Variants in NCOA3 observed in about 807,000 individuals in gnomAD.
NCOA3 encodes the protein nuclear receptor coactivator 3.
In NCOA3, 51 loss-of-function variants were observed where a neutral mutation model predicts 158.8. The ratio of observed to expected loss-of-function variants is 0.32; its 90% CI spans 0.26 to 0.41. The LOEUF (loss-of-function observed/expected upper bound fraction) is 0.41. Among genes scored for constraint, NCOA3 ranks in the 10% least tolerant of loss-of-function variants. The pLI is 1.00. For synonymous variants in NCOA3, 537 were observed against 592.4 expected, an observed-to-expected ratio of 0.91 and a Z score of 1.36; for missense variants, 1,510 against 1,746.6, an observed-to-expected ratio of 0.86 and a Z score of 2.41.
chr20:47,519,536 C>G (rs1374398393), intron 1 of NCOA3, among the ~76,000 whole-genome samples: 1 of 152,030 alleles, frequency 6.6e-6, no homozygotes, highest in Non-Finnish European at 1.5e-5. Flanking sequence ...AGTGGAGAAA[C>G]AAGGGAGAAG....
At chr20:47,589,964 GT>G (rs1410546609) in intron 2 of NCOA3, among the ~76,000 whole-genome samples, 1 of 136,084 alleles carries the variant, frequency 7.3e-6, no homozygotes, top group African/African-American at 2.5e-5. Context: ...TTTATAAGAT[GT>G]TTATTTAAAA....
intron 17 of NCOA3, among the ~76,000 whole-genome samples, chr20:47,646,258 G>A (rs1168464657): frequency 2.0e-5 from 3 of 152,204 alleles, no homozygotes; most frequent in African/African-American, 7.2e-5. Flanking sequence ...ATTATTATAA[G>A]AAGAATGATG....
intron 2 of NCOA3, among the ~76,000 whole-genome samples, chr20:47,592,403 C>T (rs6018569): frequency 0.14 from 20,681 of 152,136 alleles, 2,033 homozygotes; most frequent in African/African-American, 0.26. Context: ...CAGTCTTCTT[C>T]CTTTCTCTTC....
intron 2 of NCOA3, among the ~76,000 whole-genome samples, chr20:47,611,121 C>A (rs6066409): frequency 1.3e-5 from 2 of 151,948 alleles, no homozygotes; most frequent in African/African-American, 4.8e-5. Context: ...ATTTACTTCT[C>A]AATACTGTCT....
chr20:47,597,954 A>G (rs186469098), intron 2 of NCOA3, among the ~76,000 whole-genome samples: 1 of 151,582 alleles, frequency 6.6e-6, no homozygotes, highest in Admixed American at 6.6e-5. Flanking sequence ...TTTTTAAAGA[A>G]CCAGGCTTCT....
chr20:47,644,135 A>T (rs537007928), intron 17 of NCOA3, among the ~76,000 whole-genome samples: 19 of 150,002 alleles, frequency 1.3e-4, no homozygotes, highest in Non-Finnish European at 2.1e-4. Flanking sequence ...TGGGCATTAA[A>T]TTCGTTCTAT....
At position 47,651,092 on chromosome 20, in the gene NCOA3, ACAGCAGCAGCAGCAGCAG is replaced by A. The variant is rs3830809; in HGVS notation, c.3774_3791del (p.Gln1271_Gln1276del). ...TGATGCAGCAGCAGCAGCAGCAGCA[ACAGCAGCAGCAGCAGCAG>A]CAGCAGCAGCAACAGCAACAGCAAC... On this transcript the variant is annotated inframe_deletion, in exon 20 of 23. Coordinates refer to ENST00000371998, the MANE Select transcript of NCOA3 (RefSeq NM_181659.3). The A allele has an allele frequency of 1.4e-6, 2 of 1,461,310 alleles. No individual in the cohort carries two copies. The highest frequency in any genetic ancestry group is 3.6e-5 in the Admixed American group (2 of 55,928). The allele number at this position is 1,461,310 out of a possible 1,614,324, so 90.5% of individuals were successfully genotyped here.
chr20:47,622,968 G>C (rs902733161), intron 3 of NCOA3: 1 of 152,236 alleles, frequency 6.6e-6, no homozygotes, highest in Non-Finnish European at 1.5e-5. Flanking sequence ...AGTTGCTTCA[G>C]ACCATCTGGA....
At chr20:47,558,806 C>T (rs1273110300) in intron 1 of NCOA3, among the ~76,000 whole-genome samples, 7 of 147,350 alleles carry the variant, frequency 4.8e-5, no homozygotes, top group Non-Finnish European at 1.0e-4. Flanking sequence ...ACCCTTCACT[C>T]CCTACTTTTT....
At chr20:47,519,748 C>A (rs2084295481) in intron 1 of NCOA3, among the ~76,000 whole-genome samples, 1 of 152,016 alleles carries the variant, frequency 6.6e-6, no homozygotes, top group Non-Finnish European at 1.5e-5. Flanking sequence ...GGCAATGTGG[C>A]AAAACTCTTG....
At chr20:47,610,530 T>C (rs947053669) in intron 2 of NCOA3, among the ~76,000 whole-genome samples, 6 of 152,308 alleles carry the variant, frequency 3.9e-5, no homozygotes, top group Admixed American at 1.3e-4. Flanking sequence ...CGGAAACATT[T>C]TTAAAAAAGG....
chr20:47,542,009 GTTTTT>G (rs755173294), intron 1 of NCOA3, among the ~76,000 whole-genome samples: 5 of 56,318 alleles, frequency 8.9e-5, no homozygotes, highest in African/African-American at 3.7e-4. Flanking sequence ...GCCCTGTAGA[GTTTTT>G]TTTTTTTTTT....
intron 2 of NCOA3, among the ~76,000 whole-genome samples, chr20:47,615,124 C>T (rs2086111045): frequency 6.6e-6 from 1 of 152,130 alleles, no homozygotes; most frequent in African/African-American, 2.4e-5. Flanking sequence ...TAGCCATTTC[C>T]TTATCTGTAA....
intron 2 of NCOA3, among the ~76,000 whole-genome samples, chr20:47,615,751 C>A (rs1178878044): frequency 1.3e-5 from 2 of 152,134 alleles, no homozygotes; most frequent in Non-Finnish European, 2.9e-5. Flanking sequence ...TTGTAAGATA[C>A]TTGTTCATTT....
intron 1 of NCOA3, among the ~76,000 whole-genome samples, chr20:47,574,556 A>G (rs778897253): frequency 4.6e-5 from 7 of 152,130 alleles, no homozygotes; most frequent in Non-Finnish European, 8.8e-5. Context: ...AAAATTTAAA[A>G]TTTTATGTAA....
intron 2 of NCOA3, among the ~76,000 whole-genome samples, chr20:47,600,109 T>TG (rs1417377299): frequency 6.3e-4 from 85 of 135,236 alleles, no homozygotes; most frequent in African/African-American, 2.3e-3. Flanking sequence ...TCTCACTTCC[T>TG]TTGTGTGTGT....
chr20:47,548,923 G>A (rs745759626), intron 1 of NCOA3, among the ~76,000 whole-genome samples: 8 of 152,170 alleles, frequency 5.3e-5, no homozygotes, highest in Non-Finnish European at 1.0e-4. Flanking sequence ...ACCATTTAAT[G>A]AATTTTAAAA....
chr20:47,651,076 AGC>A lies in NCOA3; in HGVS notation c.3747_3748del (p.Gln1250AlafsTer35), dbSNP rs745477722. ...CAGAGGGTGGCTATGATGATGCAGC[AGC>A]AGCAGCAGCAGCAACAGCAGCAGCA... On this transcript the variant is annotated frameshift_variant, in exon 20 of 23. Transcript: ENST00000371998. LOFTEE classifies it high-confidence loss of function. 1.2e-5 allele frequency: 15 copies of A among 1,254,930 alleles called. No homozygotes were observed. The highest frequency in any genetic ancestry group is 1.5e-5 in the African/African-American group (1 of 68,476). 77.7% of individuals were successfully genotyped at this position (1,254,930 alleles called of 1,614,324 possible).
chr20:47,633,404 T>C, intron 8 of NCOA3, 92 bp from the exon 9 acceptor site: 2 of 1,217,180 alleles, frequency 1.6e-6, no homozygotes, highest in Admixed American at 2.5e-5. Flanking sequence ...TAATATCTTT[T>C]ATTTTATTCT....
Sources: gnomAD v4.1 joint callset for allele counts (sites outside exome capture counted in the v4.1 genomes callset) on GRCh38, gnomAD v4.1.1 for gene constraint, MANE v1.5 for transcripts, NCBI Gene and HGNC (gene_info 2026-07-23, HGNC 2026-07-21) for gene names.